The following RGS7 variants were observed in gnomAD, a reference collection of about 807,000 sequenced individuals.
The protein encoded by RGS7 is regulator of G protein signaling 7.
A neutral mutation model predicts 81.1 loss-of-function variants in RGS7; 27 were observed. The observed-to-expected ratio is 0.33, with a 90% CI of 0.25 to 0.46. The LOEUF is 0.46. RGS7 is among the 20% of genes least tolerant of loss of function. The pLI, the probability that RGS7 is intolerant of heterozygous loss-of-function variation, is 1.00. For synonymous variants in RGS7, 208 were observed against 207.7 expected, an observed-to-expected ratio of 1.00 and a Z score of -0.01; for missense variants, 396 against 607.4, an observed-to-expected ratio of 0.65 and a Z score of 3.66.
At chr1:241,259,962 C>A (rs1029868083) in intron 2 of RGS7, among the ~76,000 whole-genome samples, 1 of 151,760 alleles carries the variant, frequency 6.6e-6, no homozygotes, top group African/African-American at 2.4e-5. Flanking sequence ...GGTTTTTATC[C>A]CCATAATTAA....
At chr1:241,177,621 A>G (rs1269579599) in intron 2 of RGS7, among the ~76,000 whole-genome samples, 2 of 152,240 alleles carry the variant, frequency 1.3e-5, no homozygotes, top group African/African-American at 2.4e-5. Flanking sequence ...GTGGAGACAG[A>G]GAGAACACTC....
intron 10 of RGS7, among the ~76,000 whole-genome samples, chr1:240,825,783 G>A (rs373268134): frequency 1.3e-5 from 2 of 152,274 alleles, no homozygotes; most frequent in South Asian, 2.1e-4. Context: ...TGTGAAACAC[G>A]AGAAAGATGA....
intron 5 of RGS7, 80 bp downstream of exon 5, chr1:240,936,520 T>C (rs1676662853): frequency 3.8e-6 from 4 of 1,059,966 alleles, no homozygotes; most frequent in Non-Finnish European, 5.9e-6. Context: ...TTTTTAAAAG[T>C]TCTGTTCAAA....
chr1:241,139,995 T>G (rs2067815918), intron 2 of RGS7, among the ~76,000 whole-genome samples: 1 of 152,152 alleles, frequency 6.6e-6, no homozygotes, highest in Non-Finnish European at 1.5e-5. Flanking sequence ...TGCTACCCCT[T>G]TATGTGAACA....
intron 3 of RGS7, among the ~76,000 whole-genome samples, chr1:241,081,483 C>T (rs1318033632): frequency 6.6e-6 from 1 of 152,192 alleles, no homozygotes; most frequent in African/African-American, 2.4e-5. Flanking sequence ...CATGGAGAGG[C>T]CTATTTGGGG....
intron 3 of RGS7, among the ~76,000 whole-genome samples, chr1:241,000,471 G>A (rs867503113): frequency 5.9e-5 from 9 of 152,062 alleles, no homozygotes; most frequent in African/African-American, 2.2e-4. Context: ...CAAAACATCT[G>A]AAAACAAAGA....
At chr1:241,129,215 G>A (rs1282524418) in intron 2 of RGS7, among the ~76,000 whole-genome samples, 1 of 149,464 alleles carries the variant, frequency 6.7e-6, no homozygotes, top group Admixed American at 6.7e-5. Context: ...ATGACCTTGC[G>A]TGTTTAAGTG....
At chr1:240,812,067 A>G (rs371115139) in intron 13 of RGS7, 24 bp from the exon 14 acceptor site, 6 of 1,613,948 alleles carry the variant, frequency 3.7e-6, no homozygotes, top group South Asian at 1.1e-5. Flanking sequence ...AACAAAGGCA[A>G]ATACATTCCT....
At chr1:241,327,127 AAAGAAAGAAAGAAAGAAAGG>A (rs1558321580) in intron 2 of RGS7, among the ~76,000 whole-genome samples, 3 of 111,118 alleles carry the variant, frequency 2.7e-5, no homozygotes, top group African/African-American at 1.0e-4. Context: ...AGAAAGAAAG[AAAGAAAGAAAGAAAGAAAGG>A]AAAGAAAGAA....
intron 2 of RGS7, among the ~76,000 whole-genome samples, chr1:241,162,366 A>G (rs1162536890): frequency 6.6e-6 from 1 of 152,190 alleles, no homozygotes; most frequent in Non-Finnish European, 1.5e-5. Context: ...GCATGCACAC[A>G]ACTTCAGTAA....
intron 3 of RGS7, among the ~76,000 whole-genome samples, chr1:241,010,696 T>C (rs1205872563): frequency 1.3e-5 from 2 of 152,314 alleles, no homozygotes; most frequent in South Asian, 4.1e-4. Flanking sequence ...CCAGGCCCTT[T>C]GCGGTTTTGT....
chr1:241,086,259 T>C (rs182471777), intron 3 of RGS7, among the ~76,000 whole-genome samples: 2 of 152,354 alleles, frequency 1.3e-5, no homozygotes, highest in Non-Finnish European at 2.9e-5. Context: ...CATGCCTTCG[T>C]CATTCTCTCC....
chr1:241,236,374 A>G (rs1022437387), intron 2 of RGS7, among the ~76,000 whole-genome samples: 1 of 152,206 alleles, frequency 6.6e-6, no homozygotes, highest in African/African-American at 2.4e-5. Flanking sequence ...AGAGTTAGCC[A>G]TAAAGCAAAT....
chr1:240,858,191 G>A lies in RGS7; in HGVS notation c.609+10396C>T, dbSNP rs943926695. Among the ~76,000 whole-genome samples the A allele has an allele frequency of 3.9e-5, 6 of 152,300 alleles. No homozygotes were observed. In the East Asian group the frequency reaches 5.8e-4, roughly 15 times the overall value. ...CCATGGTTTGGCAATTATGAATAAA[G>A]TTGCCATAAACATTTGTAGGTTTTT... On this transcript the variant is annotated intron_variant, in intron 9 of 18. Coordinates refer to ENST00000440928, the MANE Select transcript of RGS7 (RefSeq NM_001364886.1).
intron 3 of RGS7, among the ~76,000 whole-genome samples, chr1:241,040,564 C>T (rs960876196): frequency 1.1e-4 from 17 of 151,978 alleles, no homozygotes; most frequent in South Asian, 4.2e-4. Flanking sequence ...TGCAGTGGCG[C>T]GATCTCGGCT....
intron 3 of RGS7, among the ~76,000 whole-genome samples, chr1:241,007,852 G>A (rs1389995847): frequency 3.9e-5 from 6 of 152,142 alleles, no homozygotes; most frequent in Non-Finnish European, 8.8e-5. Flanking sequence ...TGTGATTAAG[G>A]CGCTGCATCT....
At chr1:241,220,983 AAGGAAGGAAGGAAGAGAGAG>A (rs2074896074) in intron 2 of RGS7, among the ~76,000 whole-genome samples, 1 of 85,886 alleles carries the variant, frequency 1.2e-5, no homozygotes, top group Admixed American at 1.4e-4. Flanking sequence ...GGAAGGAAGG[AAGGAAGGAAGGAAGAGAGAG>A]AGAAAGGAAG....
rs751037174 is a variant in RGS7, at chr1:240,814,706, A to C, written c.845+10T>G. ...TTTTAAAATTTATACAGACACTTTG[A>C]AATACTCACCTGTCAGCGACTTTTG... On this transcript the variant is annotated intron_variant, in intron 12 of 18. Coordinates refer to ENST00000440928, the MANE Select transcript of RGS7 (RefSeq NM_001364886.1). The C allele has an allele frequency of 6.5e-7, 1 of 1,539,604 alleles. No homozygotes were observed. Among genetic ancestry groups the C allele is most frequent in the Non-Finnish European group, 9.0e-7 (1 of 1,112,836 alleles).
intron 6 of RGS7, among the ~76,000 whole-genome samples, chr1:240,904,039 A>C (rs1242539845): frequency 6.6e-6 from 1 of 152,148 alleles, no homozygotes; most frequent in East Asian, 1.9e-4. Context: ...ACACTAAATG[A>C]ACTAAGATAG....
Sources: gnomAD v4.1 joint callset for allele counts (sites outside exome capture counted in the v4.1 genomes callset) on GRCh38, gnomAD v4.1.1 for gene constraint, MANE v1.5 for transcripts, NCBI Gene and HGNC (gene_info 2026-07-23, HGNC 2026-07-21) for gene names.